The following GABBR2 variants were observed in gnomAD, a reference collection of about 807,000 sequenced individuals.
The protein encoded by GABBR2 is gamma-aminobutyric acid type B receptor subunit 2, also known as G-protein coupled receptor 51.
A neutral mutation model predicts 105.6 loss-of-function variants in GABBR2; 23 were observed. That is an observed-to-expected ratio of 0.22 (90% confidence interval 0.16 to 0.31). The LOEUF is 0.31. Among genes scored for constraint, GABBR2 ranks in the 10% least tolerant of loss-of-function variants. The pLI is 1.00. For synonymous variants in GABBR2, 478 were observed against 499.7 expected (o/e 0.96, Z 0.58); for missense variants, 734 against 1,245.5 (o/e 0.59, Z 6.18).
intron 1 of GABBR2, among the ~76,000 whole-genome samples, chr9:98,582,133 G>C (rs1829011894): frequency 6.6e-6 from 1 of 152,100 alleles, no homozygotes. Context: ...ATGGCAAAAG[G>C]GACTTTGTAG....
chr9:98,518,724 G>A (rs561553131), intron 3 of GABBR2, among the ~76,000 whole-genome samples: 6 of 152,332 alleles, frequency 3.9e-5, no homozygotes, highest in Admixed American at 6.5e-5. Flanking sequence ...GGTGTCTGGG[G>A]GAGGATGCTG....
At chr9:98,561,871 G>A (rs1828677655) in intron 2 of GABBR2, among the ~76,000 whole-genome samples, 1 of 152,154 alleles carries the variant, frequency 6.6e-6, no homozygotes. Context: ...GTGATGGAAT[G>A]AGACTGTCTC....
intron 1 of GABBR2, among the ~76,000 whole-genome samples, chr9:98,655,197 A>G (rs1164204377): frequency 6.6e-6 from 1 of 152,194 alleles, no homozygotes; most frequent in Admixed American, 6.5e-5. Context: ...ATGTACATCA[A>G]GAGTGAACCC....
intron 7 of GABBR2, among the ~76,000 whole-genome samples, chr9:98,449,886 C>A (rs542700185): frequency 3.3e-5 from 5 of 152,274 alleles, no homozygotes; most frequent in Admixed American, 6.5e-5. Flanking sequence ...CAGAGGGCCA[C>A]AGGGACATGG....
chr9:98,334,396 TG>T (rs1286939665), intron 13 of GABBR2, among the ~76,000 whole-genome samples: 1 of 152,182 alleles, frequency 6.6e-6, no homozygotes, highest in Non-Finnish European at 1.5e-5. Flanking sequence ...CCACAAGGCT[TG>T]GGCTGGGTTC....
chr9:98,648,263 C>T (rs1830057936), intron 1 of GABBR2, among the ~76,000 whole-genome samples: 1 of 152,028 alleles, frequency 6.6e-6, no homozygotes, highest in Admixed American at 6.6e-5. Flanking sequence ...TCCTGAGTAG[C>T]TGGGATTACA....
intron 1 of GABBR2, among the ~76,000 whole-genome samples, chr9:98,659,459 A>G (rs1830224557): frequency 6.6e-6 from 1 of 150,422 alleles, no homozygotes; most frequent in African/African-American, 2.5e-5. Flanking sequence ...AAGACCATAT[A>G]GTCACAGTCC....
chr9:98,516,648 C>A (rs1180843343), intron 3 of GABBR2, among the ~76,000 whole-genome samples: 3 of 152,170 alleles, frequency 2.0e-5, no homozygotes, highest in Admixed American at 6.5e-5. Context: ...CCACGCAGTA[C>A]CCAGCCCCAT....
At chr9:98,369,199 G>C (rs1471550555) in intron 12 of GABBR2, among the ~76,000 whole-genome samples, 1 of 152,206 alleles carries the variant, frequency 6.6e-6, no homozygotes, top group African/African-American at 2.4e-5. Context: ...AATGCTGCCG[G>C]GGCCCAGAGA....
At chr9:98,659,810 C>T (rs141790286) in intron 1 of GABBR2, among the ~76,000 whole-genome samples, 2,319 of 151,848 alleles carry the variant, frequency 0.015, 69 homozygotes, top group African/African-American at 0.054. Flanking sequence ...TGTGAGCCAC[C>T]GCACCCAGCC....
At chr9:98,393,342 A>ACCATCCATCCAT (rs921463721) in intron 9 of GABBR2, among the ~76,000 whole-genome samples, 4 of 104,698 alleles carry the variant, frequency 3.8e-5, no homozygotes, top group Non-Finnish European at 5.7e-5. Flanking sequence ...CATCCACCCA[A>ACCATCCATCCAT]CCATCCATCC....
At chr9:98,311,001 C>T (rs1830626793) in intron 14 of GABBR2, 94 bp downstream of exon 14, 2 of 712,858 alleles carry the variant, frequency 2.8e-6, no homozygotes, top group African/African-American at 3.5e-5. Flanking sequence ...GTCATGGAGG[C>T]TCTGTTTATT....
chr9:98,383,723 C>A (rs139483796), intron 11 of GABBR2, among the ~76,000 whole-genome samples: 1 of 152,156 alleles, frequency 6.6e-6, no homozygotes, highest in East Asian at 1.9e-4. Context: ...AACAATTTCT[C>A]GATGATGTGT....
chr9:98,494,244 A>T (rs1396148369), intron 4 of GABBR2, among the ~76,000 whole-genome samples: 1 of 152,216 alleles, frequency 6.6e-6, no homozygotes, highest in Admixed American at 6.5e-5. Flanking sequence ...CCAGGAAATG[A>T]AAATAGATAT....
At chr9:98,650,460 C>A (rs1032407210) in intron 1 of GABBR2, among the ~76,000 whole-genome samples, 4 of 152,166 alleles carry the variant, frequency 2.6e-5, no homozygotes, top group Non-Finnish European at 5.9e-5. Context: ...TTCAAAATAC[C>A]TTTGCCAGCC....
chr9:98,409,734 C>A (rs1334485293), intron 7 of GABBR2, among the ~76,000 whole-genome samples: 7 of 152,168 alleles, frequency 4.6e-5, no homozygotes, highest in Non-Finnish European at 1.0e-4. Flanking sequence ...TCAGGACACC[C>A]GTGAAGGACC....
At chr9:98,655,118 C>G (rs914539416) in intron 1 of GABBR2, among the ~76,000 whole-genome samples, 2 of 151,976 alleles carry the variant, frequency 1.3e-5, no homozygotes, top group Non-Finnish European at 2.9e-5. Flanking sequence ...CTTTTAGGGC[C>G]GTGAAGCTAT....
At chr9:98,674,451 G>C (rs953964794) in intron 1 of GABBR2, among the ~76,000 whole-genome samples, 6 of 21,822 alleles carry the variant, frequency 2.7e-4, no homozygotes. Flanking sequence ...CTGAGTGCTG[G>C]GTGCCTGGTG....
intron 1 of GABBR2, among the ~76,000 whole-genome samples, chr9:98,679,678 A>G (rs1418451469): frequency 6.6e-6 from 1 of 152,192 alleles, no homozygotes; most frequent in African/African-American, 2.4e-5. Flanking sequence ...GGAGCAGGTC[A>G]TAAAACCTAG....
Sources: gnomAD v4.1 joint callset for allele counts (sites outside exome capture counted in the v4.1 genomes callset) on GRCh38, gnomAD v4.1.1 for gene constraint, MANE v1.5 for transcripts, NCBI Gene and HGNC (gene_info 2026-07-23, HGNC 2026-07-21) for gene names.